PCDHB9: variants seen among roughly 807,000 people sequenced by gnomAD.
PCDHB9 encodes the protein protocadherin beta 9, also known as protocadherin beta-9.
For missense variants in PCDHB9, 1,072 were observed against 995.1 expected (o/e 1.08, Z -1.04); for synonymous variants, 501 against 439.7 (o/e 1.14, Z -1.75).
rs782343256 is a variant in PCDHB9 at position 141,189,288 on chromosome 5, C to G, written c.1970C>G (p.Thr657Arg). 1.1e-5 allele frequency: 18 copies of G among 1,608,958 alleles called. No homozygotes were observed. The Admixed American group carries it at 1.3e-4, about 12-fold the overall frequency. Residue 657 changes from threonine to arginine, a missense_variant, in exon 1 of 1, where the codon ACG becomes AGG. Physicochemically the swap from Thr to Arg is moderately conservative, Grantham distance 71. Coordinates refer to ENST00000316105, the MANE Select transcript of PCDHB9 (RefSeq NM_019119.5). Reference sequence around the variant, plus strand: ...GAGCCTCCTCGCTCGGCCACCGCCACGCTGCACGTGCTCCTGGTGGACGGC... The same window carrying G: ...GAGCCTCCTCGCTCGGCCACCGCCAGGCTGCACGTGCTCCTGGTGGACGGC... ...NGEPPRSATATLHVLLVDGFS... is the reference protein window; with the variant it reads ...NGEPPRSATARLHVLLVDGFS...
rs1554282979 is a variant in PCDHB9 at position 141,188,322 on chromosome 5, T to G, written c.1004T>G (p.Ile335Arg). The change falls in exon 1 of 1, where the codon ATA (isoleucine) becomes AGA (arginine). Residue 335 changes from isoleucine (I) to arginine (R), a missense_variant. By Grantham distance (97) the Ile-to-Arg change is moderately conservative. Transcript: ENST00000316105. The stretch of plus-strand genomic sequence containing the variant: ...CTTTCTGCAAGATGTACAGTTTTGA[T>G]AAAAGTATTAGATTCCAATGACAAT... ...GGLSARCTVL[I>R]KVLDSNDNPP... is the part of the protein sequence containing the mutation. The G allele has an allele frequency of 6.2e-7, 1 of 1,614,140 alleles. No individual in the cohort carries two copies. Among genetic ancestry groups the G allele is most frequent in the Non-Finnish European group, 8.5e-7 (1 of 1,180,008 alleles).
rs200244403 is a variant in PCDHB9, at chr5:141,187,689, G to A, written c.371G>A (p.Arg124Lys). 4.6e-4 allele frequency: 749 copies of A among 1,614,062 alleles called. 3 individuals carry two copies. Among genetic ancestry groups the A allele is most frequent in the Non-Finnish European group, 5.9e-4 (693 of 1,180,028 alleles). ...FQIYRAELRV[R>K]DINDHSPVFR... ...ATTTACCGGGCTGAGCTGAGAGTCA[G>A]GGATATAAATGATCACTCGCCAGTG... is the stretch of plus-strand genomic sequence containing the variant. Residue 124 changes from arginine (R) to lysine (K), a missense_variant, in exon 1 of 1, where the codon AGG (arginine) becomes AAG (lysine). Physicochemically the swap from Arg to Lys is conservative, Grantham distance 26 (BLOSUM62 2). Transcript: ENST00000316105.
rs3733691 is a variant in PCDHB9 at position 141,189,780 on chromosome 5, G to A, written c.*68G>A. ...CTTGTTGGCTAACTAAATTGTGTATGCCCACCACAAAGAAGGTACTATTTT... is the reference window on the plus strand; with the variant it reads ...CTTGTTGGCTAACTAAATTGTGTATACCCACCACAAAGAAGGTACTATTTT... On this transcript the variant is annotated 3_prime_UTR_variant, in exon 1 of 1. Coordinates refer to ENST00000316105, the MANE Select transcript of PCDHB9 (RefSeq NM_019119.5). 0.23 allele frequency: 305,973 copies of A among 1,335,874 alleles called. 39,683 individuals are homozygous for A. The highest frequency in any genetic ancestry group is 0.53 in the East Asian group (22,743 of 42,832). The allele number at this position is 1,335,874 out of a possible 1,614,324, so 82.8% of individuals were successfully genotyped here.
Position 141,188,844 on chromosome 5 carries a change from A to C in PCDHB9, c.1526A>C (p.Asp509Ala). 1 of 1,612,862 alleles carries C rather than the reference A, an allele frequency of 6.2e-7. No homozygotes were observed. The highest frequency in any genetic ancestry group is 8.5e-7 in the Non-Finnish European group (1 of 1,179,964). The change falls in exon 1 of 1, where the codon GAC (aspartate) becomes GCC (alanine). Residue 509 changes from aspartate to alanine, a missense_variant. Coordinates refer to ENST00000316105, the MANE Select transcript of PCDHB9 (RefSeq NM_019119.5). ...GCCTCCCTGGTCTCCATCAACGCGGACAATGGCCACCTGTTTGCCCTCAGG... is the reference window on the plus strand; with the variant it reads ...GCCTCCCTGGTCTCCATCAACGCGGCCAATGGCCACCTGTTTGCCCTCAGG... ...PLASLVSINA[D>A]NGHLFALRSL...
rs375710785 is a variant in PCDHB9 at position 141,187,487 on chromosome 5, G to A, written c.169G>A (p.Gly57Arg). 2 of 1,612,678 alleles carry A rather than the reference G, an allele frequency of 1.2e-6. No individual in the cohort carries two copies. The highest frequency in any genetic ancestry group is 1.3e-5 in the African/African-American group (1 of 74,890). Residue 57 changes from glycine to arginine, a missense_variant, in exon 1 of 1, where the codon GGG becomes AGG. Physicochemically the swap from Gly to Arg is moderately radical, Grantham distance 125 (BLOSUM62 -2). Transcript: ENST00000316105. The part of the protein sequence containing the change: ...NLAKDLGLAE[G>R]ELAARGTRVV... The stretch of plus-strand genomic sequence containing the variant: ...GGCAAAGGATCTGGGACTAGCAGAG[G>A]GGGAGCTGGCTGCAAGGGGAACCAG...
chr5:141,187,390 C>T lies in PCDHB9; in HGVS notation c.72C>T (p.Ser24=), dbSNP rs1554282782. The T allele has an allele frequency of 6.2e-7, 1 of 1,614,026 alleles. No individual in the cohort carries two copies. Among genetic ancestry groups the T allele is most frequent in the East Asian group, 2.2e-5 (1 of 44,876 alleles). Reference sequence around the variant, plus strand: ...TTCTTTTTCTTTTCTGGGGAGTGTCCTTGGCAGGTTCTGGGTTTGGACGTT... The same window carrying T: ...TTCTTTTTCTTTTCTGGGGAGTGTCTTTGGCAGGTTCTGGGTTTGGACGTT... ...VLFLFLFWGV[S]LAGSGFGRYS... The change falls in exon 1 of 1, where the codon TCC becomes TCT. Residue 24 remains serine (S), a synonymous_variant. Transcript: ENST00000316105.
chr5:141,187,727 G>T lies in PCDHB9; in HGVS notation c.409G>T (p.Glu137Ter), dbSNP rs782272485. The T allele has an allele frequency of 7.4e-6, 12 of 1,614,174 alleles. No homozygotes were observed. Among genetic ancestry groups the T allele is most frequent in the Middle Eastern group, 1.6e-4 (1 of 6,062 alleles). ...NDHSPVFRHKEMVLKISENTA... is the reference protein window; with the variant it reads ...NDHSPVFRHK The stretch of plus-strand genomic sequence containing the variant: ...TCACTCGCCAGTGTTTCGGCACAAA[G>T]AGATGGTCTTAAAAATATCAGAAAA... The change falls in exon 1 of 1, where the codon GAG (glutamate) becomes TAG (stop). Residue 137 changes from glutamate to a stop codon, truncating the protein, a stop_gained. Coordinates refer to ENST00000316105, the MANE Select transcript of PCDHB9 (RefSeq NM_019119.5). LOFTEE classifies it low-confidence loss of function (END_TRUNC).
Position 141,189,295 on chromosome 5 carries a change from C to A in PCDHB9, c.1977C>A (p.His659Gln), listed in dbSNP as rs374473147. ...CTCGCTCGGCCACCGCCACGCTGCA[C>A]GTGCTCCTGGTGGACGGCTTCTCCC... ...EPPRSATATL[H>Q]VLLVDGFSQP... Residue 659 changes from histidine (H) to glutamine (Q), a missense_variant, in exon 1 of 1, where the codon CAC (histidine) becomes CAA (glutamine). Coordinates refer to ENST00000316105, the MANE Select transcript of PCDHB9 (RefSeq NM_019119.5). The A allele has an allele frequency of 2.5e-4, 402 of 1,609,568 alleles. No individual in the cohort carries two copies. In the African/African-American group the frequency reaches 3.5e-3, roughly 14 times the overall value.
Position 141,187,981 on chromosome 5 carries a change from C to T in PCDHB9, c.663C>T (p.Ser221=), listed in dbSNP as rs1554282885. The change falls in exon 1 of 1, where the codon TCC becomes TCT. Residue 221 remains serine, a synonymous_variant. Coordinates refer to ENST00000316105, the MANE Select transcript of PCDHB9 (RefSeq NM_019119.5). Reference sequence around the variant, plus strand: ...CAGCGCTGGATGGTGGGTCTCCATCCAGGTCTGGGACCTCCACTATACGCA... The same window carrying T: ...CAGCGCTGGATGGTGGGTCTCCATCTAGGTCTGGGACCTCCACTATACGCA... The part of the protein sequence containing the change: ...TLTALDGGSP[S]RSGTSTIRIV... The T allele has an allele frequency of 1.2e-6, 2 of 1,613,980 alleles. No homozygotes were observed. The highest frequency in any genetic ancestry group is 1.3e-5 in the African/African-American group (1 of 75,016).
rs782290850 is a variant in PCDHB9 at position 141,189,278 on chromosome 5, G to A, written c.1960G>A (p.Ala654Thr). 2 of 1,608,218 alleles carry A rather than the reference G, an allele frequency of 1.2e-6. No individual in the cohort carries two copies. Among genetic ancestry groups the A allele is most frequent in the Non-Finnish European group, 1.7e-6 (2 of 1,179,720 alleles). ...VKDNGEPPRS[A>T]TATLHVLLVD... ...GGACAATGGCGAGCCTCCTCGCTCG[G>A]CCACCGCCACGCTGCACGTGCTCCT... The change falls in exon 1 of 1, where the codon GCC (alanine) becomes ACC (threonine). Residue 654 changes from alanine to threonine, a missense_variant. Transcript: ENST00000316105.
Position 141,189,368 on chromosome 5 carries a change from G to T in PCDHB9, c.2050G>T (p.Asp684Tyr), listed in dbSNP as rs17844544. Reference sequence around the variant, plus strand: ...GGCGGCCCCGGCCCAGGCCCAGGCCGACTTGCTCACCGTCTACCTGGTGGT... The same window carrying T: ...GGCGGCCCCGGCCCAGGCCCAGGCCTACTTGCTCACCGTCTACCTGGTGGT... ...PEAAPAQAQA[D>Y]LLTVYLVVAL... Residue 684 changes from aspartate (D) to tyrosine (Y), a missense_variant, in exon 1 of 1, where the codon GAC becomes TAC. Transcript: ENST00000316105. 6.2e-7 allele frequency: 1 copy of T among 1,611,580 alleles called. No individual in the cohort carries two copies. The highest frequency in any genetic ancestry group is 1.3e-5 in the African/African-American group (1 of 75,014).
At position 141,188,454 on chromosome 5, in the gene PCDHB9, G is replaced by C. The variant is rs782186368; in HGVS notation, c.1136G>C (p.Gly379Ala). The change falls in exon 1 of 1, where the codon GGA becomes GCA. Residue 379 changes from glycine to alanine, a missense_variant. Gly to Ala is a moderately conservative substitution (Grantham distance 60). Transcript: ENST00000316105. ...AAAGACAGAGACTCCGGAGAAAATGGAAAGACAATTTGCTATGTTCAAGAT... is the reference window on the plus strand; with the variant it reads ...AAAGACAGAGACTCCGGAGAAAATGCAAAGACAATTTGCTATGTTCAAGAT... ...KIKDRDSGEN[G>A]KTICYVQDNL... is the part of the protein sequence containing the mutation. The C allele has an allele frequency of 2.5e-6, 4 of 1,614,104 alleles. No individual in the cohort carries two copies. The highest frequency in any genetic ancestry group is 1.7e-5 in the Admixed American group (1 of 60,016).
At position 141,187,404 on chromosome 5, in the gene PCDHB9, G is replaced by T. The variant is rs373495159; in HGVS notation, c.86G>T (p.Gly29Val). 2.7e-5 allele frequency: 44 copies of T among 1,614,060 alleles called. No homozygotes were observed. In the African/African-American group the frequency reaches 4.7e-4, roughly 17 times the overall value. ...LFWGVSLAGS[G>V]FGRYSVTEET... Reference sequence around the variant, plus strand: ...TGGGGAGTGTCCTTGGCAGGTTCTGGGTTTGGACGTTATTCGGTGACTGAG... The same window carrying T: ...TGGGGAGTGTCCTTGGCAGGTTCTGTGTTTGGACGTTATTCGGTGACTGAG... Residue 29 changes from glycine to valine, a missense_variant, in exon 1 of 1, where the codon GGG becomes GTG. By Grantham distance (109) the Gly-to-Val change is moderately radical. Transcript: ENST00000316105.
chr5:141,187,737 TA>T lies in PCDHB9; in HGVS notation c.424del (p.Ile142TyrfsTer13). The stretch of plus-strand genomic sequence containing the variant: ...GTGTTTCGGCACAAAGAGATGGTCT[TA>T]AAAATATCAGAAAATACAGCTGAAG... ...SPVFRHKEMV[L>X]KISENTAEGT... On this transcript the variant is annotated frameshift_variant, in exon 1 of 1. Transcript: ENST00000316105. LOFTEE classifies it low-confidence loss of function (END_TRUNC). 1 of 1,614,144 alleles carries T rather than the reference TA, an allele frequency of 6.2e-7. No individual in the cohort carries two copies. Among genetic ancestry groups the T allele is most frequent in the South Asian group, 1.1e-5 (1 of 91,076 alleles).
Position 141,187,771 on chromosome 5 carries a change from AT to A in PCDHB9, c.456del (p.Phe152LeufsTer3). The A allele has an allele frequency of 1.2e-6, 2 of 1,614,202 alleles. No individual in the cohort carries two copies. The highest frequency in any genetic ancestry group is 1.7e-6 in the Non-Finnish European group (2 of 1,180,044). On this transcript the variant is annotated frameshift_variant, in exon 1 of 1. Coordinates refer to ENST00000316105, the MANE Select transcript of PCDHB9 (RefSeq NM_019119.5). LOFTEE classifies it low-confidence loss of function (END_TRUNC). ...ISENTAEGTAFRLERAQDPDE... is the reference protein window; with the variant it reads ...ISENTAEGTAXRLERAQDPDE... ...CAGAAAATACAGCTGAAGGGACAGC[AT>A]TTAGACTAGAAAGAGCACAGGATCC...
rs1753848278 is a variant in PCDHB9, at chr5:141,189,591, G to T, written c.2273G>T (p.Gly758Val). 6.2e-7 allele frequency: 1 copy of T among 1,614,070 alleles called. No homozygotes were observed. The highest frequency in any genetic ancestry group is 1.3e-5 in the African/African-American group (1 of 74,988). ...CAGTACGAGGTGTGTCTGACTGGAG[G>T]TTCAGAGACCGGCGAGTTCAAGTTC... Reference protein sequence around the residue: ...SYQYEVCLTGGSETGEFKFLK... With the variant: ...SYQYEVCLTGVSETGEFKFLK... The change falls in exon 1 of 1, where the codon GGT becomes GTT. Residue 758 changes from glycine to valine, a missense_variant. By Grantham distance (109) the Gly-to-Val change is moderately radical. Coordinates refer to ENST00000316105, the MANE Select transcript of PCDHB9 (RefSeq NM_019119.5).
rs782361258 is a variant in PCDHB9 at position 141,188,760 on chromosome 5, G to A, written c.1442G>A (p.Gly481Asp). ...GSVSATDRDSGTNAQVTYSLL... is the reference protein window; with the variant it reads ...GSVSATDRDSDTNAQVTYSLL... Reference sequence around the variant, plus strand: ...GTCAGCGCCACAGACAGAGACTCAGGCACCAACGCCCAGGTCACCTACTCG... The same window carrying A: ...GTCAGCGCCACAGACAGAGACTCAGACACCAACGCCCAGGTCACCTACTCG... Residue 481 changes from glycine (G) to aspartate (D), a missense_variant, in exon 1 of 1, where the codon GGC (glycine) becomes GAC (aspartate). Physicochemically the swap from Gly to Asp is moderately conservative, Grantham distance 94. Coordinates refer to ENST00000316105, the MANE Select transcript of PCDHB9 (RefSeq NM_019119.5). 4.3e-6 allele frequency: 7 copies of A among 1,613,078 alleles called. No individual in the cohort carries two copies. Among genetic ancestry groups the A allele is most frequent in the Non-Finnish European group, 5.9e-6 (7 of 1,180,034 alleles).
rs574077735 is a variant in PCDHB9, at chr5:141,188,486, C to T, written c.1168C>T (p.Pro390Ser). The T allele has an allele frequency of 1.5e-4, 241 of 1,614,152 alleles. 3 individuals are homozygous for T. The South Asian group carries it at 2.2e-3, about 14-fold the overall frequency. The part of the protein sequence containing the change: ...KTICYVQDNL[P>S]FFLKPSVDNF... ...AATTTGCTATGTTCAAGATAATCTG[C>T]CTTTTTTTCTGAAACCGTCTGTTGA... The change falls in exon 1 of 1, where the codon CCT becomes TCT. Residue 390 changes from proline to serine, a missense_variant. Transcript: ENST00000316105.
At position 141,191,249 on chromosome 5, in the gene PCDHB9, C is replaced by A. The variant is rs535867206; in HGVS notation, c.*1537C>A. On this transcript the variant is annotated 3_prime_UTR_variant, in exon 1 of 1. Transcript: ENST00000316105. ...AGCCTGGGCAATAAGAGCAAAACTC[C>A]ATCAAAATAAAATAAAATAAAATAT... The A allele has an allele frequency of 6.6e-6, 1 of 151,802 alleles. No homozygotes were observed. Among genetic ancestry groups the A allele is most frequent in the African/African-American group, 2.4e-5 (1 of 41,278 alleles). The allele number at this position is 151,802 out of a possible 1,614,324, so 9.4% of individuals were successfully genotyped here.
Sources: allele counts gnomAD v4.1 joint callset, GRCh38; gene constraint gnomAD v4.1.1; transcripts MANE v1.5; gene names NCBI Gene and HGNC (gene_info 2026-07-23, HGNC 2026-07-21).